The following C4orf36 variants were observed in gnomAD, a reference collection of about 807,000 sequenced individuals.
C4orf36 encodes uncharacterized protein C4orf36.
C4orf36 carries 11 observed loss-of-function variants against 12.2 expected under a neutral mutation model. That is an observed-to-expected ratio of 0.90 (90% CI 0.57 to 1.49). The LOEUF (loss-of-function observed/expected upper bound fraction) is 1.49, where lower values mean the gene tolerates loss of function less well. Ranked by LOEUF, C4orf36 falls within the 40% of genes most tolerant of loss-of-function variation. The probability of loss-of-function intolerance (pLI) is 0.00; values close to 1 mark genes in which losing one functional copy is unlikely to be tolerated. For missense variants in C4orf36, 137 were observed against 133.9 expected (o/e 1.02, Z -0.11); for synonymous variants, 54 against 51.3 (o/e 1.05, Z -0.22).
the C4orf36 span, among the ~76,000 whole-genome samples, chr4:86,926,744 A>G: frequency 6.6e-6 from 1 of 152,212 alleles, no homozygotes; most frequent in African/African-American, 2.4e-5. Flanking sequence ...TGTCAGGTGC[A>G]TCTGCCATAC....
chr4:86,915,358 A>G, the C4orf36 span, among the ~76,000 whole-genome samples: 77 of 152,322 alleles, frequency 5.1e-4, no homozygotes, highest in Admixed American at 9.8e-4. Context: ...GACTCTTCAC[A>G]TCAGGCTACT....
chr4:86,898,726 T>C, the C4orf36 span, among the ~76,000 whole-genome samples: 1 of 152,104 alleles, frequency 6.6e-6, no homozygotes, highest in Non-Finnish European at 1.5e-5. Flanking sequence ...AGAGAATTGT[T>C]TGAGCCCAGG....
chr4:86,897,013 G>A (rs1326439412), upstream of C4orf36, among the ~76,000 whole-genome samples: 1 of 152,088 alleles, frequency 6.6e-6, no homozygotes, highest in Non-Finnish European at 1.5e-5. Flanking sequence ...CACAGATTAA[G>A]GGGGAAGAAA....
the C4orf36 span, among the ~76,000 whole-genome samples, chr4:86,902,738 T>C: frequency 2.0e-5 from 3 of 152,202 alleles, no homozygotes; most frequent in Non-Finnish European, 2.9e-5. Context: ...CTGACACCTG[T>C]GCTGACAACC....
the C4orf36 span, chr4:86,913,487 G>T: frequency 1.3e-6 from 1 of 783,042 alleles, no homozygotes; most frequent in Non-Finnish European, 2.3e-6. Flanking sequence ...TGCGTTGGAT[G>T]CTCTGTTTTG....
At chr4:86,887,150 T>A (rs550200549) in intron 4 of C4orf36, 7 of 152,146 alleles carry the variant, frequency 4.6e-5, no homozygotes, top group South Asian at 4.2e-4. Flanking sequence ...CATTAGGAGA[T>A]ATACCTAATG....
chr4:86,923,027 C>G, the C4orf36 span, among the ~76,000 whole-genome samples: 1,271 of 150,772 alleles, frequency 8.4e-3, 25 homozygotes, highest in African/African-American at 0.03. Context: ...TCAAGTGATC[C>G]TCCTGCCTCA....
At chr4:86,879,222 G>C (rs1746990121) in intron 4 of C4orf36, among the ~76,000 whole-genome samples, 1 of 152,074 alleles carries the variant, frequency 6.6e-6, no homozygotes, top group South Asian at 2.1e-4. Flanking sequence ...AGAAACGCAG[G>C]CCTATGATTT....
the C4orf36 span, among the ~76,000 whole-genome samples, chr4:86,910,780 A>G: frequency 3.8e-3 from 584 of 152,294 alleles, 3 homozygotes; most frequent in African/African-American, 0.013. Flanking sequence ...AAAGTTTTGC[A>G]TGAGGCCGGG....
At chr4:86,876,712 A>G (rs982114526) in intron 4 of C4orf36, 1 of 1,571,036 alleles carries the variant, frequency 6.4e-7, no homozygotes, top group Non-Finnish European at 8.6e-7. Context: ...GATCTTTACT[A>G]TTCAGAATTT....
chr4:86,907,787 A>G, the C4orf36 span, among the ~76,000 whole-genome samples: 1 of 151,822 alleles, frequency 6.6e-6, no homozygotes, highest in Admixed American at 6.6e-5. Flanking sequence ...GACCAACATG[A>G]CAAAACCCCA....
the C4orf36 span, among the ~76,000 whole-genome samples, chr4:86,922,396 A>G: frequency 6.6e-6 from 1 of 152,246 alleles, no homozygotes; most frequent in African/African-American, 2.4e-5. Context: ...ATGGAAAAAC[A>G]AAAACAAAAA....
chr4:86,913,860 G>C, the C4orf36 span: 3 of 838,042 alleles, frequency 3.6e-6, no homozygotes, highest in Non-Finnish European at 5.7e-6. Context: ...ACGGAGTCTC[G>C]CTCTGTCACC....
the C4orf36 span, among the ~76,000 whole-genome samples, chr4:86,911,768 C>A: frequency 5.9e-5 from 9 of 152,262 alleles, no homozygotes; most frequent in Admixed American, 5.2e-4. Context: ...CTCACTGCAG[C>A]CTTAACCTTC....
At chr4:86,902,602 A>C in the C4orf36 span, among the ~76,000 whole-genome samples, 1 of 152,040 alleles carries the variant, frequency 6.6e-6, no homozygotes, top group Non-Finnish European at 1.5e-5. Context: ...TTGGGAAACT[A>C]ATACACCACC....
chr4:86,914,165 G>A, the C4orf36 span: 416 of 1,593,784 alleles, frequency 2.6e-4, 2 homozygotes, highest in African/African-American at 4.9e-3. Context: ...CAGCAAATTT[G>A]TTCCCTAGTG....
At chr4:86,891,293 C>CAAAAAAA (rs34250498) in intron 2 of C4orf36, among the ~76,000 whole-genome samples, 163 bp downstream of exon 2, 1 of 118,944 alleles carries the variant, frequency 8.4e-6, no homozygotes, top group Non-Finnish European at 1.7e-5. Context: ...AAGCAGTTGC[C>CAAAAAAA]AAAAAAAAAA....
rs1560471171 is a variant in C4orf36 at position 86,884,298 on chromosome 4, A to ACTTTTTTTTTTTTTTTTTTTTTTTTT, written c.*2+3459_*2+3460insAAAAAAAAAAAAAAAAAAAAAAAAAG. ...AAATTAGGCAGAAGGAAAAAGACTG[A>ACTTTTTTTTTTTTTTTTTTTTTTTTT]ATTTTTTTTTTTTTTTTTTTTTTTG... On this transcript the variant is annotated intron_variant, in intron 4 of 4. Coordinates refer to ENST00000295898, the MANE Select transcript of C4orf36 (RefSeq NM_144645.4). Among the ~76,000 whole-genome samples the ACTTTTTTTTTTTTTTTTTTTTTTTTT allele has an allele frequency of 5.6e-5, 7 of 125,250 alleles. 2 individuals carry two copies. Among genetic ancestry groups the ACTTTTTTTTTTTTTTTTTTTTTTTTT allele is most frequent in the Non-Finnish European group, 6.7e-5 (4 of 59,620 alleles). 82.2% of individuals were successfully genotyped at this position (125,250 alleles called of 152,430 possible). A position where few individuals can be genotyped will look rare whatever the true frequency, so the allele number is the denominator to read the frequency against.
chr4:86,922,567 G>A, the C4orf36 span, among the ~76,000 whole-genome samples: 2 of 152,204 alleles, frequency 1.3e-5, no homozygotes, highest in African/African-American at 4.8e-5. Flanking sequence ...GGGCACTAGA[G>A]AGACACTGCA....
Sources: gnomAD v4.1 joint callset for allele counts (sites outside exome capture counted in the v4.1 genomes callset) on GRCh38, gnomAD v4.1.1 for gene constraint, MANE v1.5 for transcripts, NCBI Gene and HGNC (gene_info 2026-07-23, HGNC 2026-07-21) for gene names.